The following KCNK10 variants were observed in gnomAD, a reference collection of about 807,000 sequenced individuals.
KCNK10 encodes the protein potassium channel subfamily K member 10.
KCNK10 carries 25 observed loss-of-function variants against 47.7 expected under a neutral mutation model. The observed-to-expected ratio is 0.52, with a 90% CI of 0.38 to 0.73. KCNK10 has a LOEUF of 0.73. Ranked by LOEUF, KCNK10 falls within the 30% of genes least tolerant of loss-of-function variation. The probability of loss-of-function intolerance (pLI) is 0.00; values close to 1 mark genes in which losing one functional copy is unlikely to be tolerated. For synonymous variants in KCNK10, 303 were observed against 285.6 expected (o/e 1.06, Z -0.61); for missense variants, 563 against 714.5 (o/e 0.79, Z 2.42).
chr14:88,202,226 A>G (rs1201752172), intron 4 of KCNK10, among the ~76,000 whole-genome samples: 3 of 152,214 alleles, frequency 2.0e-5, no homozygotes, highest in African/African-American at 4.8e-5. Flanking sequence ...ATGATTATCA[A>G]TGATACTGCC....
intron 1 of KCNK10, among the ~76,000 whole-genome samples, chr14:88,319,824 C>G (rs115677574): frequency 6.6e-6 from 1 of 152,330 alleles, no homozygotes; most frequent in African/African-American, 2.4e-5. Context: ...AGATTCTAAT[C>G]TTGTCCTACT....
intron 5 of KCNK10, among the ~76,000 whole-genome samples, chr14:88,191,887 C>A (rs980655763): frequency 6.6e-6 from 1 of 152,222 alleles, no homozygotes; most frequent in African/African-American, 2.4e-5. Flanking sequence ...CACTTCCTAA[C>A]ACAGCCTTTA....
In KCNK10 at chr14:88,322,884, C is replaced by G. The variant is rs1888578110; in HGVS notation, c.-86G>C. On this transcript the variant is annotated 5_prime_UTR_variant, in exon 1 of 7. Transcript: ENST00000319231. This position sits in a 1 kb window ranked among gnomAD's most constrained non-coding sequence, Gnocchi z 4.8. ...GCTTTACACGCCTCGGTTTAGCAGTCCAACAAAACAATTTCCGAGGATGGG... is the reference window on the plus strand; with the variant it reads ...GCTTTACACGCCTCGGTTTAGCAGTGCAACAAAACAATTTCCGAGGATGGG... 1 of 1,602,268 alleles carries G rather than the reference C, an allele frequency of 6.2e-7. No individual in the cohort carries two copies.
At position 88,225,975 on chromosome 14, in the gene KCNK10, G is replaced by A. The variant is rs139331204; in HGVS notation, c.681+1400C>T. The stretch of plus-strand genomic sequence containing the variant: ...GGCCAGCCAGCATGAAGGAGCAAAG[G>A]CTGTGGGACATTCCAGTAAAACTCA... On this transcript the variant is annotated intron_variant, in intron 4 of 6. Coordinates refer to ENST00000319231, the MANE Select transcript of KCNK10 (RefSeq NM_138317.3). Among the ~76,000 whole-genome samples the A allele has an allele frequency of 9.4e-3, 1,427 of 152,324 alleles. 9 individuals carry two copies. Among genetic ancestry groups the A allele is most frequent in the Non-Finnish European group, 0.015 (997 of 68,032 alleles).
At chr14:88,244,286 T>C (rs1357082528) in intron 2 of KCNK10, among the ~76,000 whole-genome samples, 2 of 152,244 alleles carry the variant, frequency 1.3e-5, no homozygotes, top group East Asian at 3.8e-4. Flanking sequence ...TTTACAGTTC[T>C]AATTTTTATT....
intron 4 of KCNK10, among the ~76,000 whole-genome samples, chr14:88,193,395 G>A (rs530498815): frequency 1.3e-5 from 2 of 152,266 alleles, no homozygotes; most frequent in East Asian, 3.9e-4. Context: ...TGGATGTGCT[G>A]AAGGCGACAC....
intron 4 of KCNK10, among the ~76,000 whole-genome samples, chr14:88,213,829 G>A (rs1157962695): frequency 6.6e-6 from 1 of 151,820 alleles, no homozygotes; most frequent in African/African-American, 2.4e-5. Context: ...ACTTGACATA[G>A]CAGACCTTGA....
At chr14:88,306,994 T>C (rs992935164) in intron 1 of KCNK10, among the ~76,000 whole-genome samples, 1 of 152,094 alleles carries the variant, frequency 6.6e-6, no homozygotes, top group East Asian at 1.9e-4. Context: ...CCACAGCAAT[T>C]CCTCAGGATG....
chr14:88,203,875 G>A (rs1885178770), intron 4 of KCNK10, among the ~76,000 whole-genome samples: 1 of 152,202 alleles, frequency 6.6e-6, no homozygotes, highest in African/African-American at 2.4e-5. Flanking sequence ...GACAACCCCT[G>A]CCAGTACCCG....
chr14:88,219,537 C>T (rs1049748376), intron 4 of KCNK10, among the ~76,000 whole-genome samples: 1 of 152,124 alleles, frequency 6.6e-6, no homozygotes, highest in African/African-American at 2.4e-5. Context: ...TCCCAACAGC[C>T]ACCTAATTTA....
At chr14:88,273,815 G>GT (rs1041486272) in intron 1 of KCNK10, among the ~76,000 whole-genome samples, 2 of 152,114 alleles carry the variant, frequency 1.3e-5, no homozygotes, top group African/African-American at 4.8e-5. Flanking sequence ...CTTGCCCTAA[G>GT]TTTTTTCCTC....
chr14:88,212,327 C>T (rs1184149686), intron 4 of KCNK10, among the ~76,000 whole-genome samples: 1 of 151,514 alleles, frequency 6.6e-6, no homozygotes, highest in Non-Finnish European at 1.5e-5. Flanking sequence ...GTAGTCCCAG[C>T]GATACAGGAG....
intron 2 of KCNK10, among the ~76,000 whole-genome samples, chr14:88,247,479 T>C (rs753090934): frequency 2.6e-5 from 4 of 152,240 alleles, no homozygotes; most frequent in Non-Finnish European, 4.4e-5. Context: ...CAATGACGTG[T>C]ATTTTCCTAC....
chr14:88,248,244 T>G (rs1408839207), intron 2 of KCNK10, among the ~76,000 whole-genome samples: 1 of 152,206 alleles, frequency 6.6e-6, no homozygotes, highest in Non-Finnish European at 1.5e-5. Context: ...TTCTGATTCA[T>G]TACACTGTGC....
intron 4 of KCNK10, among the ~76,000 whole-genome samples, chr14:88,208,587 A>G (rs1011311591): frequency 2.6e-4 from 40 of 152,188 alleles, no homozygotes; most frequent in Non-Finnish European, 1.0e-4. Flanking sequence ...TGGCATTTAC[A>G]TGTCATGTAC....
chr14:88,223,223 G>C (rs1179167367), intron 4 of KCNK10, among the ~76,000 whole-genome samples: 1 of 151,938 alleles, frequency 6.6e-6, no homozygotes. Flanking sequence ...CCTTGGACTG[G>C]CATCACCCTT....
intron 4 of KCNK10, among the ~76,000 whole-genome samples, chr14:88,204,539 T>C (rs1206953667): frequency 6.6e-6 from 1 of 151,942 alleles, no homozygotes; most frequent in East Asian, 1.9e-4. Context: ...GTCAACCCAC[T>C]TCTGAGGAAA....
At chr14:88,247,744 A>G (rs1886685048) in intron 2 of KCNK10, among the ~76,000 whole-genome samples, 1 of 152,172 alleles carries the variant, frequency 6.6e-6, no homozygotes, top group African/African-American at 2.4e-5. Context: ...AATCCCTTAC[A>G]ATGGGGATTT....
chr14:88,325,335 GAC>G (rs1413032823), upstream of KCNK10, among the ~76,000 whole-genome samples: 1 of 152,196 alleles, frequency 6.6e-6, no homozygotes, highest in Middle Eastern at 3.2e-3. Flanking sequence ...AGCAGAGAAA[GAC>G]ACCCTCTCCT....
Sources: gnomAD v4.1 joint callset for allele counts (sites outside exome capture counted in the v4.1 genomes callset) on GRCh38, gnomAD v4.1.1 for gene constraint, Gnocchi (gnomAD v3.1) non-coding constraint, MANE v1.5 for transcripts, NCBI Gene and HGNC (gene_info 2026-07-23, HGNC 2026-07-21) for gene names.